Variants in MARCHF4 observed in about 807,000 individuals in gnomAD.
The protein encoded by MARCHF4 is E3 ubiquitin-protein ligase MARCHF4.
MARCHF4 carries 14 observed loss-of-function variants against 43.9 expected under a neutral mutation model. The observed-to-expected ratio is 0.32, with a 90% CI of 0.21 to 0.50. The LOEUF (loss-of-function observed/expected upper bound fraction) is 0.50, where lower values mean the gene tolerates loss of function less well. Ranked by LOEUF, MARCHF4 falls within the 20% of genes least tolerant of loss-of-function variation. The pLI is 0.98. For synonymous variants in MARCHF4, 226 were observed against 213.3 expected (o/e 1.06, Z -0.52); for missense variants, 468 against 536.7 (o/e 0.87, Z 1.27).
intron 1 of MARCHF4, among the ~76,000 whole-genome samples, chr2:216,319,847 C>G (rs937214549): frequency 6.6e-6 from 1 of 152,194 alleles, no homozygotes; most frequent in African/African-American, 2.4e-5. Context: ...GCTCACTACT[C>G]TCAGGATGAT....
At chr2:216,325,256 A>G (rs1574477893) in intron 1 of MARCHF4, among the ~76,000 whole-genome samples, 1 of 152,216 alleles carries the variant, frequency 6.6e-6, no homozygotes, top group Non-Finnish European at 1.5e-5. Flanking sequence ...TCCAACTTAA[A>G]AGGGATGTGA....
At chr2:216,278,442 G>T (rs1302485816) in intron 2 of MARCHF4, among the ~76,000 whole-genome samples, 4 of 152,080 alleles carry the variant, frequency 2.6e-5, no homozygotes, top group Non-Finnish European at 1.5e-5. Context: ...AGCCAGGATG[G>T]TCTCGATCTC....
intron 1 of MARCHF4, among the ~76,000 whole-genome samples, chr2:216,364,204 T>G (rs1490444292): frequency 6.6e-6 from 1 of 152,100 alleles, no homozygotes; most frequent in Non-Finnish European, 1.5e-5. Flanking sequence ...TTGACACCGC[T>G]TTTTTCCTAA....
chr2:216,334,112 G>A (rs971574211), intron 1 of MARCHF4, among the ~76,000 whole-genome samples: 2 of 152,184 alleles, frequency 1.3e-5, no homozygotes, highest in African/African-American at 2.4e-5. Flanking sequence ...AATCAGCTGA[G>A]TGTAGGAAGA....
Position 216,283,652 on chromosome 2 carries a change from G to T in MARCHF4, c.594C>A (p.Ser198Arg). Residue 198 changes from serine (S) to arginine (R), a missense_variant, in exon 2 of 4, where the codon AGC (serine) becomes AGA (arginine). Physicochemically the swap from Ser to Arg is moderately radical, Grantham distance 110 (BLOSUM62 -1). This residue lies in a region of MARCHF4 where 158 missense variants were observed against 251.1 expected (regional missense o/e 0.63). Coordinates refer to ENST00000273067, the MANE Select transcript of MARCHF4 (RefSeq NM_020814.3). ...GCTCGCAGCTCCAGCAGCCCCGCTC[G>T]CTGATCCACTTGATGAGGCAAGGCT... ...THQPCLIKWI[S>R]ERGCWSCELC... The T allele has an allele frequency of 6.2e-7, 1 of 1,613,858 alleles. No individual in the cohort carries two copies. The highest frequency in any genetic ancestry group is 8.5e-7 in the Non-Finnish European group (1 of 1,179,724).
chr2:216,333,854 G>A (rs972154814), intron 1 of MARCHF4, among the ~76,000 whole-genome samples: 2 of 152,144 alleles, frequency 1.3e-5, no homozygotes, highest in South Asian at 2.1e-4. Flanking sequence ...TGGAGCCACC[G>A]TGGCGTAGAA....
At chr2:216,281,617 G>A (rs1193119332) in intron 2 of MARCHF4, among the ~76,000 whole-genome samples, 2 of 152,204 alleles carry the variant, frequency 1.3e-5, no homozygotes, top group African/African-American at 4.8e-5. Flanking sequence ...AGGAGCACAG[G>A]ACATACAATT....
At chr2:216,363,672 G>A (rs1301517587) in intron 1 of MARCHF4, among the ~76,000 whole-genome samples, 1 of 152,090 alleles carries the variant, frequency 6.6e-6, no homozygotes, top group African/African-American at 2.4e-5. Flanking sequence ...TTGTATCCTT[G>A]GGTCCATAAT....
intron 1 of MARCHF4, among the ~76,000 whole-genome samples, chr2:216,366,666 A>C (rs1200097267): frequency 6.6e-6 from 1 of 152,182 alleles, no homozygotes; most frequent in Non-Finnish European, 1.5e-5. Flanking sequence ...CAGATGACAC[A>C]TTCTTAGGAA....
chr2:216,294,864 C>A (rs12467128), intron 1 of MARCHF4, among the ~76,000 whole-genome samples: 1 of 152,084 alleles, frequency 6.6e-6, no homozygotes, highest in South Asian at 2.1e-4. Flanking sequence ...TTATCAGGTG[C>A]CCAACCCTGT....
intron 1 of MARCHF4, among the ~76,000 whole-genome samples, chr2:216,314,146 T>A (rs1465646016): frequency 2.0e-5 from 3 of 152,200 alleles, no homozygotes; most frequent in Non-Finnish European, 2.9e-5. Flanking sequence ...TATACCAGAA[T>A]AAATTCTAGA....
At chr2:216,300,163 C>A (rs1691464169) in intron 1 of MARCHF4, among the ~76,000 whole-genome samples, 1 of 152,084 alleles carries the variant, frequency 6.6e-6, no homozygotes. Context: ...TGAGCTTTAA[C>A]TCTATAATCT....
intron 1 of MARCHF4, among the ~76,000 whole-genome samples, chr2:216,355,013 C>G (rs12477591): frequency 0.021 from 2,875 of 136,270 alleles, 110 homozygotes; most frequent in East Asian, 0.16. Flanking sequence ...ACTTTGTCAC[C>G]CAGGCTAGAG....
intron 1 of MARCHF4, among the ~76,000 whole-genome samples, chr2:216,290,449 T>C (rs1279644245): frequency 6.6e-6 from 1 of 152,070 alleles, no homozygotes; most frequent in African/African-American, 2.4e-5. Flanking sequence ...GTTAGAGATA[T>C]AACAGGGATC....
intron 3 of MARCHF4, among the ~76,000 whole-genome samples, chr2:216,275,145 T>C: frequency 6.6e-6 from 1 of 152,162 alleles, no homozygotes; most frequent in East Asian, 1.9e-4. Context: ...ACTCTGCTTC[T>C]CCCAATAAAT....
At chr2:216,362,465 A>G (rs1296932436) in intron 1 of MARCHF4, among the ~76,000 whole-genome samples, 1 of 152,226 alleles carries the variant, frequency 6.6e-6, no homozygotes, top group Non-Finnish European at 1.5e-5. Context: ...TCAGACATTG[A>G]TGTTGATTCT....
At chr2:216,330,360 T>C (rs1353220072) in intron 1 of MARCHF4, among the ~76,000 whole-genome samples, 1 of 152,108 alleles carries the variant, frequency 6.6e-6, no homozygotes, top group Non-Finnish European at 1.5e-5. Context: ...ACTAAAAGTA[T>C]ATAAAACAAA....
intron 1 of MARCHF4, among the ~76,000 whole-genome samples, chr2:216,353,776 G>T (rs919390705): frequency 1.3e-5 from 2 of 152,170 alleles, no homozygotes; most frequent in Non-Finnish European, 2.9e-5. Context: ...TCAAACTCCT[G>T]ACCTCAAGTG....
Position 216,259,426 on chromosome 2 carries a change from G to A in MARCHF4, c.1119C>T (p.Ser373=). 6.2e-7 allele frequency: 1 copy of A among 1,614,010 alleles called. No homozygotes were observed. The highest frequency in any genetic ancestry group is 1.3e-5 in the African/African-American group (1 of 75,046). The part of the protein sequence containing the change: ...QAAGHPSGPL[S]HHHCAYTILH... ...GGATGGTATAAGCACAGTGGTGATGGGACAGAGGGCCTGAGGGGTGGCCGG... is the reference window on the plus strand; with the variant it reads ...GGATGGTATAAGCACAGTGGTGATGAGACAGAGGGCCTGAGGGGTGGCCGG... The change falls in exon 4 of 4, where the codon TCC becomes TCT. Residue 373 remains serine, a synonymous_variant. Coordinates refer to ENST00000273067, the MANE Select transcript of MARCHF4 (RefSeq NM_020814.3).
Sources: gnomAD v4.1 joint callset for allele counts (sites outside exome capture counted in the v4.1 genomes callset) on GRCh38, gnomAD v4.1.1 for gene constraint, gnomAD v4.1.1 regional missense constraint, MANE v1.5 for transcripts, NCBI Gene and HGNC (gene_info 2026-07-23, HGNC 2026-07-21) for gene names.